Variants in TXLNB observed in about 807,000 individuals in gnomAD.
TXLNB encodes beta-taxilin.
A neutral mutation model predicts 57.4 loss-of-function variants in TXLNB; 37 were observed. That is an observed-to-expected ratio of 0.64 (90% CI 0.50 to 0.85). The LOEUF (loss-of-function observed/expected upper bound fraction) is 0.85. TXLNB is among the 40% of genes least tolerant of loss of function. The pLI is 0.00. For synonymous variants in TXLNB, 302 were observed against 309.6 expected, an observed-to-expected ratio of 0.98 and a Z score of 0.26; for missense variants, 848 against 825.6, an observed-to-expected ratio of 1.03 and a Z score of -0.33.
chr6:139,291,306 C>T (rs539347758), intron 1 of TXLNB, among the ~76,000 whole-genome samples: 14 of 152,114 alleles, frequency 9.2e-5, no homozygotes, highest in Non-Finnish European at 1.5e-4. Flanking sequence ...GTTTTAAAGT[C>T]GGGGAGACTA....
chr6:139,296,036 C>CG (rs540863813), upstream of TXLNB, among the ~76,000 whole-genome samples: 2 of 150,468 alleles, frequency 1.3e-5, no homozygotes, highest in Non-Finnish European at 2.9e-5. Flanking sequence ...GAACCTTGAC[C>CG]CCCCCCTCCT....
chr6:139,276,884 C>G lies in TXLNB; in HGVS notation c.462G>C (p.Lys154Asn). 1 of 1,597,688 alleles carries G rather than the reference C, an allele frequency of 6.3e-7. No individual in the cohort carries two copies. Among genetic ancestry groups the G allele is most frequent in the South Asian group, 1.1e-5 (1 of 87,808 alleles). ...CAAACTTTTCTTCCGGTGTTTGCAA[C>G]TTGTTCAGATTTTGCATTAGCAGGT... The part of the protein sequence containing the change: ...EANLLMQNLN[K>N]LQTPEEKFDF... The change falls in exon 3 of 10, where the codon AAG (lysine) becomes AAC (asparagine). Residue 154 changes from lysine (K) to asparagine (N), a missense_variant. Lys to Asn is a moderately conservative substitution (Grantham distance 94). Transcript: ENST00000358430.
rs181186571 is a variant in TXLNB at position 139,257,200 on chromosome 6, T to C, written c.1003-1562A>G. ...AGATTTCTAGGTTGTTAGGCTTGTG[T>C]GTGTGTGTGTTTAGCGATAGTGCTA... On this transcript the variant is annotated intron_variant, in intron 6 of 9. Transcript: ENST00000358430. 2.0e-3 allele frequency among the ~76,000 whole-genome samples: 305 copies of C among 152,292 alleles called. 1 individual carries two copies. Among genetic ancestry groups the C allele is most frequent in the Non-Finnish European group, 3.6e-3 (248 of 68,032 alleles).
chr6:139,183,951 T>C, the TXLNB span, among the ~76,000 whole-genome samples: 111 of 152,286 alleles, frequency 7.3e-4, no homozygotes, highest in Admixed American at 1.9e-3. Context: ...GGGTCATTTA[T>C]CTTTTAAAGA....
the TXLNB span, among the ~76,000 whole-genome samples, chr6:139,311,645 T>C: frequency 1.3e-5 from 2 of 152,142 alleles, no homozygotes. Context: ...TGTACTAAAC[T>C]GGAGAAACTG....
At chr6:139,269,692 A>C (rs931512579) in intron 4 of TXLNB, among the ~76,000 whole-genome samples, 16 of 152,192 alleles carry the variant, frequency 1.1e-4, no homozygotes, top group African/African-American at 3.9e-4. Context: ...TTACAGGAAC[A>C]CTGGTGTCTG....
the TXLNB span, among the ~76,000 whole-genome samples, chr6:139,171,178 CAG>C: frequency 6.6e-6 from 1 of 151,690 alleles, no homozygotes; most frequent in Non-Finnish European, 1.5e-5. Context: ...GAGTTTATAA[CAG>C]TGGTGGTTAA....
the TXLNB span, among the ~76,000 whole-genome samples, chr6:139,314,333 C>A: frequency 6.6e-6 from 1 of 152,200 alleles, no homozygotes; most frequent in Non-Finnish European, 1.5e-5. Flanking sequence ...GCTTCCACAA[C>A]GCCCTGCTTG....
Position 139,262,911 on chromosome 6 carries a change from C to T in TXLNB, c.688-138G>A, listed in dbSNP as rs112196940. ...GTTCTCTAGAGCTAAAGCTGCTCAGCCCCAAAATAAATGTATGAGTAAAGG... is the reference window on the plus strand; with the variant it reads ...GTTCTCTAGAGCTAAAGCTGCTCAGTCCCAAAATAAATGTATGAGTAAAGG... On this transcript the variant is annotated intron_variant, in intron 4 of 9. Transcript: ENST00000358430. 3,278 of 790,026 alleles carry T rather than the reference C, an allele frequency of 4.1e-3. 80 individuals carry two copies. The African/African-American group carries it at 0.051, about 12-fold the overall frequency. The allele number at this position is 790,026 out of a possible 1,614,324, so 48.9% of individuals were successfully genotyped here.
chr6:139,251,626 C>T (rs1243285591), intron 7 of TXLNB: 2 of 152,198 alleles, frequency 1.3e-5, no homozygotes, highest in African/African-American at 4.8e-5. Flanking sequence ...ATTTCCCCTG[C>T]CAGAGGCAGA....
At position 139,270,574 on chromosome 6, in the gene TXLNB, T is replaced by A; in HGVS notation, c.569A>T (p.Gln190Leu). 6.2e-7 allele frequency: 1 copy of A among 1,614,164 alleles called. No homozygotes were observed. Among genetic ancestry groups the A allele is most frequent in the Non-Finnish European group, 8.5e-7 (1 of 1,179,970 alleles). Residue 190 changes from glutamine to leucine, a missense_variant, in exon 4 of 10, where the codon CAG becomes CTG. By Grantham distance (113) the Gln-to-Leu change is moderately radical. Coordinates refer to ENST00000358430, the MANE Select transcript of TXLNB (RefSeq NM_153235.4). ...GTCCTTTTCTTTTTGAATTTGTACC[T>A]GTTTCTTTTGGAGGAGCTTTAACTT... ...QKKLKLLQKK[Q>L]VQIQKEKDQL...
chr6:139,242,791 G>T lies in TXLNB; in HGVS notation c.1790C>A (p.Ala597Glu), dbSNP rs754429538. ...CTTCCAGGACGCCTGATCAGCCTGTGCTCCAACAGGGAGACCCTCGCATTG... is the reference window on the plus strand; with the variant it reads ...CTTCCAGGACGCCTGATCAGCCTGTTCTCCAACAGGGAGACCCTCGCATTG... The part of the protein sequence containing the change: ...ETQCEGLPVG[A>E]QADQASWKPE... The change falls in exon 10 of 10, where the codon GCA (alanine) becomes GAA (glutamate). Residue 597 changes from alanine (A) to glutamate (E), a missense_variant. Transcript: ENST00000358430. 6.2e-7 allele frequency: 1 copy of T among 1,614,146 alleles called. No homozygotes were observed.
At chr6:139,165,737 A>T in the TXLNB span, among the ~76,000 whole-genome samples, 328 of 152,328 alleles carry the variant, frequency 2.2e-3, 1 homozygote, top group Admixed American at 7.3e-3. Flanking sequence ...GAATTGGGTT[A>T]GCGGATTCTA....
chr6:139,289,736 T>C (rs1174016869), intron 1 of TXLNB, among the ~76,000 whole-genome samples: 2 of 152,364 alleles, frequency 1.3e-5, no homozygotes, highest in South Asian at 2.1e-4. Context: ...TATAATTCTA[T>C]GTAGATTAAC....
At chr6:139,223,683 A>T in the TXLNB span, among the ~76,000 whole-genome samples, 1 of 151,908 alleles carries the variant, frequency 6.6e-6, no homozygotes, top group African/African-American at 2.4e-5. Context: ...CAGCCAAAAA[A>T]CACATGAAAA....
the TXLNB span, among the ~76,000 whole-genome samples, chr6:139,302,463 A>G: frequency 6.6e-6 from 1 of 152,168 alleles, no homozygotes; most frequent in East Asian, 1.9e-4. Flanking sequence ...GTGATTTTGT[A>G]TTAAAAAGCT....
chr6:139,286,531 C>T (rs1455414877), intron 2 of TXLNB, among the ~76,000 whole-genome samples: 7 of 152,002 alleles, frequency 4.6e-5, no homozygotes, highest in Non-Finnish European at 1.0e-4. Context: ...GACTAGGGGC[C>T]GGGCGCAGTG....
At chr6:139,254,315 TTGTG>T (rs60108019) in intron 7 of TXLNB, among the ~76,000 whole-genome samples, 8 of 150,022 alleles carry the variant, frequency 5.3e-5, no homozygotes, top group Admixed American at 6.6e-5. Flanking sequence ...TGAACACGAT[TTGTG>T]TGTGTGTGTG....
the TXLNB span, among the ~76,000 whole-genome samples, chr6:139,202,157 C>T: frequency 2.6e-5 from 4 of 152,154 alleles, no homozygotes; most frequent in African/African-American, 7.2e-5. Context: ...ATCTAACTGG[C>T]ATAGATCATA....
Sources: allele counts gnomAD v4.1 joint callset (sites outside exome capture counted in the v4.1 genomes callset), GRCh38; gene constraint gnomAD v4.1.1; transcripts MANE v1.5; gene names NCBI Gene and HGNC (gene_info 2026-07-23, HGNC 2026-07-21).